CNTNAP5: variants seen among roughly 807,000 people sequenced by gnomAD.
CNTNAP5 encodes the protein contactin associated protein family member 5, also known as contactin-associated protein-like 5.
CNTNAP5 carries 72 observed loss-of-function variants against 150.2 expected under a neutral mutation model. The observed-to-expected ratio is 0.48, with a 90% CI of 0.40 to 0.58. The LOEUF is 0.58. Ranked by LOEUF, CNTNAP5 falls within the 20% of genes least tolerant of loss-of-function variation. CNTNAP5 has a pLI of 0.00. For missense variants in CNTNAP5, 1,636 were observed against 1,626.2 expected, an observed-to-expected ratio of 1.01 and a Z score of -0.10; for synonymous variants, 672 against 619.8, an observed-to-expected ratio of 1.08 and a Z score of -1.25.
intron 3 of CNTNAP5, among the ~76,000 whole-genome samples, chr2:124,285,542 G>A (rs1270454764): frequency 2.6e-5 from 4 of 151,938 alleles, no homozygotes; most frequent in Admixed American, 6.6e-5. Flanking sequence ...GCTCACGCCC[G>A]TAATCTCAAC....
chr2:124,491,269 G>T (rs1458120805), intron 7 of CNTNAP5, among the ~76,000 whole-genome samples: 1 of 152,046 alleles, frequency 6.6e-6, no homozygotes, highest in Non-Finnish European at 1.5e-5. Context: ...GCTCCTGTGA[G>T]CTTGACCTCT....
intron 1 of CNTNAP5, among the ~76,000 whole-genome samples, chr2:124,143,792 G>A (rs1310703333): frequency 1.6e-5 from 2 of 124,318 alleles, no homozygotes; most frequent in Non-Finnish European, 1.7e-5. Context: ...TTCTGGCCAG[G>A]GCAATCAGGC....
At chr2:124,166,639 C>G (rs1684815004) in intron 1 of CNTNAP5, among the ~76,000 whole-genome samples, 1 of 152,168 alleles carries the variant, frequency 6.6e-6, no homozygotes, top group Admixed American at 6.5e-5. Flanking sequence ...ATAATTCAAG[C>G]TAATTAACAG....
chr2:124,157,266 C>G (rs1327633268), intron 1 of CNTNAP5, among the ~76,000 whole-genome samples: 1 of 152,046 alleles, frequency 6.6e-6, no homozygotes, highest in African/African-American at 2.4e-5. Context: ...TTTCCAGTGC[C>G]TCGTTGGAAA....
chr2:124,346,173 C>T (rs536454067), intron 3 of CNTNAP5, among the ~76,000 whole-genome samples: 79 of 152,226 alleles, frequency 5.2e-4, no homozygotes, highest in Middle Eastern at 3.4e-3. Context: ...AATTCCAAGA[C>T]GTTTTCTGGG....
chr2:124,048,970 A>G (rs1213957), intron 1 of CNTNAP5, among the ~76,000 whole-genome samples: 146,194 of 152,324 alleles, frequency 0.96, 70,445 homozygotes, highest in East Asian at 1. Flanking sequence ...TTTAATGGCA[A>G]TTTTCTCCAA....
rs1004773081 is a variant in CNTNAP5, at chr2:124,512,101, C to G, written c.1327+7545C>G. Among the ~76,000 whole-genome samples, 3 of 151,916 alleles carry G rather than the reference C, an allele frequency of 2.0e-5. No individual in the cohort carries two copies. In the East Asian group the frequency reaches 5.9e-4, roughly 30 times the overall value. On this transcript the variant is annotated intron_variant, in intron 8 of 23. Transcript: ENST00000682447. ...CTGCAGAGAGAAATCCAGGCAGAGA[C>G]ACAGCAAGGGTCTTTGGCTGTGGGA...
chr2:124,911,524 C>T lies in CNTNAP5; in HGVS notation c.3713C>T (p.Ser1238Leu), dbSNP rs1261090777. 1.9e-6 allele frequency: 3 copies of T among 1,597,888 alleles called. No individual in the cohort carries two copies. The highest frequency in any genetic ancestry group is 2.3e-5 in the East Asian group (1 of 44,202). Residue 1238 changes from serine (S) to leucine (L), a missense_variant, in exon 23 of 24, where the codon TCG becomes TTG. By Grantham distance (145) the Ser-to-Leu change is moderately radical (BLOSUM62 -2). Transcript: ENST00000682447. ...CTCACAAATGCTGTTCGAAGTGATT[C>T]GGCAGTCATCGGAGGTAAACAATTC... The part of the protein sequence containing the change: ...EPLTNAVRSD[S>L]AVIGGVIAVV...
intron 8 of CNTNAP5, among the ~76,000 whole-genome samples, chr2:124,510,301 C>CTATATATATATGTATATATCTATA (rs368230554): frequency 1.9e-5 from 2 of 106,040 alleles, no homozygotes; most frequent in African/African-American, 7.6e-5. Context: ...ATCTATATAT[C>CTATATATATATGTATATATCTATA]TATATATATA....
intron 1 of CNTNAP5, among the ~76,000 whole-genome samples, chr2:124,026,916 A>G (rs2104616145): frequency 6.6e-6 from 1 of 152,362 alleles, no homozygotes; most frequent in South Asian, 2.1e-4. Context: ...TTATGTCTCA[A>G]GGGAAGACAA....
chr2:124,208,920 C>T (rs1309206173), intron 1 of CNTNAP5, among the ~76,000 whole-genome samples: 1 of 152,140 alleles, frequency 6.6e-6, no homozygotes, highest in Non-Finnish European at 1.5e-5. Context: ...CCACTTTTGT[C>T]TTTGTTGGTG....
chr2:124,573,277 T>A (rs910836892), intron 11 of CNTNAP5, among the ~76,000 whole-genome samples: 1 of 152,218 alleles, frequency 6.6e-6, no homozygotes, highest in Non-Finnish European at 1.5e-5. Context: ...TTCTTCCTTT[T>A]GAATACATCT....
At chr2:124,307,093 A>T (rs1012321160) in intron 3 of CNTNAP5, among the ~76,000 whole-genome samples, 1 of 152,096 alleles carries the variant, frequency 6.6e-6, no homozygotes, top group Non-Finnish European at 1.5e-5. Context: ...TTAGTCCAGG[A>T]TGCTATTAGC....
At chr2:124,026,987 C>T (rs544923646) in intron 1 of CNTNAP5, among the ~76,000 whole-genome samples, 1 of 152,132 alleles carries the variant, frequency 6.6e-6, no homozygotes, top group Non-Finnish European at 1.5e-5. Context: ...TGTCTGTGGT[C>T]GGAAGTTTTG....
chr2:124,773,953 A>T (rs1011025447), intron 17 of CNTNAP5, among the ~76,000 whole-genome samples: 7 of 148,356 alleles, frequency 4.7e-5, no homozygotes, highest in African/African-American at 1.6e-4. Flanking sequence ...TGTGTGAGAG[A>T]GAGAGAGAGA....
chr2:124,634,053 G>A (rs1278458916), intron 12 of CNTNAP5, among the ~76,000 whole-genome samples: 1 of 152,158 alleles, frequency 6.6e-6, no homozygotes, highest in Non-Finnish European at 1.5e-5. Context: ...GGAGGTCTCT[G>A]AAATGTCTTT....
intron 1 of CNTNAP5, among the ~76,000 whole-genome samples, chr2:124,193,932 G>C (rs904477061): frequency 6.6e-6 from 1 of 152,096 alleles, no homozygotes; most frequent in Non-Finnish European, 1.5e-5. Context: ...ACAAACAGAA[G>C]TGAGACCCAG....
chr2:124,704,415 G>A (rs937444711), intron 13 of CNTNAP5, among the ~76,000 whole-genome samples: 2 of 152,110 alleles, frequency 1.3e-5, no homozygotes, highest in Admixed American at 1.3e-4. Context: ...GACATAAGGT[G>A]TGAAACTCGT....
At chr2:124,731,737 T>A (rs1230768763) in intron 13 of CNTNAP5, among the ~76,000 whole-genome samples, 1 of 151,928 alleles carries the variant, frequency 6.6e-6, no homozygotes, top group Non-Finnish European at 1.5e-5. Flanking sequence ...TGTGCATGTA[T>A]TTGTGTGTGT....
Sources: gnomAD v4.1 joint callset for allele counts (sites outside exome capture counted in the v4.1 genomes callset) on GRCh38, gnomAD v4.1.1 for gene constraint, MANE v1.5 for transcripts, NCBI Gene and HGNC (gene_info 2026-07-23, HGNC 2026-07-21) for gene names.